The following RIMS2 variants were observed in gnomAD, a reference collection of about 807,000 sequenced individuals.
RIMS2 encodes the protein regulating synaptic membrane exocytosis protein 2.
A neutral mutation model predicts 174.4 loss-of-function variants in RIMS2; 59 were observed. The observed-to-expected ratio is 0.34, with a 90% CI of 0.27 to 0.42. The LOEUF (loss-of-function observed/expected upper bound fraction) is 0.42. Among genes scored for constraint, RIMS2 ranks in the 10% least tolerant of loss-of-function variants. The pLI is 1.00. For missense variants in RIMS2, 1,620 were observed against 1,666.3 expected (o/e 0.97, Z 0.48); for synonymous variants, 606 against 572.5 (o/e 1.06, Z -0.84).
intron 1 of RIMS2, among the ~76,000 whole-genome samples, chr8:103,505,394 G>A (rs1822986557): frequency 6.6e-6 from 1 of 152,154 alleles, no homozygotes; most frequent in Non-Finnish European, 1.5e-5. Context: ...TTCCACATCT[G>A]TGACTGTATA....
At chr8:103,885,817 T>A in exon 4 of RIMS2, 1 of 1,612,788 alleles carries the variant, frequency 6.2e-7, no homozygotes, top group Admixed American at 1.7e-5. Flanking sequence ...CCATGGAAAA[T>A]CAGCGATCTT....
intron 11 of RIMS2, among the ~76,000 whole-genome samples, chr8:103,929,656 A>G (rs1039451900): frequency 4.6e-5 from 7 of 151,916 alleles, no homozygotes; most frequent in African/African-American, 1.7e-4. Context: ...TTTGTCACAC[A>G]TTTAGAACCA....
chr8:104,151,630 T>C (rs548319290), intron 19 of RIMS2, among the ~76,000 whole-genome samples: 1 of 152,094 alleles, frequency 6.6e-6, no homozygotes, highest in South Asian at 2.1e-4. Context: ...GGGATGAGTC[T>C]TTGATTTATG....
chr8:103,657,865 A>G (rs1371100307), intron 1 of RIMS2, among the ~76,000 whole-genome samples: 1 of 152,180 alleles, frequency 6.6e-6, no homozygotes, highest in Non-Finnish European at 1.5e-5. Context: ...ACAAAGTTCA[A>G]TAGAGGTGTG....
intron 3 of RIMS2, among the ~76,000 whole-genome samples, chr8:103,841,721 T>A (rs1012827525): frequency 2.4e-4 from 36 of 152,250 alleles, no homozygotes; most frequent in Non-Finnish European, 4.3e-4. Context: ...TCTGTAGACA[T>A]TTGAGGATTG....
intron 3 of RIMS2, among the ~76,000 whole-genome samples, chr8:103,783,847 A>T (rs1352825582): frequency 6.6e-6 from 1 of 151,756 alleles, no homozygotes; most frequent in Non-Finnish European, 1.5e-5. Flanking sequence ...CGCCACACTG[A>T]CTTCCACAAT....
chr8:104,043,031 C>A (rs1037785833), intron 19 of RIMS2, among the ~76,000 whole-genome samples: 4 of 151,484 alleles, frequency 2.6e-5, no homozygotes, highest in Admixed American at 2.6e-4. Context: ...TTAAAAAAAT[C>A]TGTGATAGAA....
intron 1 of RIMS2, among the ~76,000 whole-genome samples, chr8:103,596,187 T>C (rs1193653944): frequency 1.3e-5 from 2 of 152,080 alleles, no homozygotes; most frequent in African/African-American, 4.8e-5. Context: ...TTCAAGATAT[T>C]ATCAGTGCTA....
At chr8:104,166,055 A>ATTTTT (rs2098794775) in intron 19 of RIMS2, among the ~76,000 whole-genome samples, 1 of 119,236 alleles carries the variant, frequency 8.4e-6, no homozygotes, top group African/African-American at 3.1e-5. Context: ...GGTATTTTGG[A>ATTTTT]TTTCTTTTTT....
intron 3 of RIMS2, among the ~76,000 whole-genome samples, chr8:103,865,284 C>CTTTTTTTT (rs67300843): frequency 6.7e-5 from 8 of 119,738 alleles, no homozygotes; most frequent in Non-Finnish European, 8.4e-5. Flanking sequence ...CAGTTTTTTT[C>CTTTTTTTT]TTTTTTTTTT....
intron 3 of RIMS2, among the ~76,000 whole-genome samples, chr8:103,803,471 T>C (rs952107442): frequency 1.3e-5 from 2 of 152,120 alleles, no homozygotes; most frequent in African/African-American, 4.8e-5. Context: ...TAGAAATAAC[T>C]GATAAAAAAA....
chr8:104,213,112 G>A (rs1018408995), intron 19 of RIMS2, among the ~76,000 whole-genome samples: 1 of 152,122 alleles, frequency 6.6e-6, no homozygotes, highest in Non-Finnish European at 1.5e-5. Flanking sequence ...AGGAGTTTGA[G>A]ACCAGCCTGG....
intron 1 of RIMS2, among the ~76,000 whole-genome samples, chr8:103,618,074 C>A (rs549640436): frequency 6.6e-6 from 1 of 152,128 alleles, no homozygotes; most frequent in Non-Finnish European, 1.5e-5. Flanking sequence ...TGGCAAAGAC[C>A]ATGGAATCAA....
intron 2 of RIMS2, among the ~76,000 whole-genome samples, chr8:103,710,442 T>C (rs529159019): frequency 1.6e-4 from 25 of 152,254 alleles, no homozygotes; most frequent in African/African-American, 6.0e-4. Flanking sequence ...AAATATCGGT[T>C]CTCTTTGTTT....
At chr8:103,731,430 GTCT>G (rs879687781) in intron 2 of RIMS2, among the ~76,000 whole-genome samples, 3 of 152,206 alleles carry the variant, frequency 2.0e-5, no homozygotes, top group Non-Finnish European at 4.4e-5. Flanking sequence ...TTTTGAGGTA[GTCT>G]TCTTGGAGTT....
intron 2 of RIMS2, among the ~76,000 whole-genome samples, chr8:103,752,402 T>C (rs1182990284): frequency 6.6e-6 from 1 of 152,170 alleles, no homozygotes; most frequent in Non-Finnish European, 1.5e-5. Flanking sequence ...CCAGCTTTGT[T>C]CTTTTGGCTT....
At chr8:103,510,341 A>G (rs904087284) in intron 1 of RIMS2, among the ~76,000 whole-genome samples, 6 of 152,174 alleles carry the variant, frequency 3.9e-5, no homozygotes, top group Admixed American at 2.6e-4. Context: ...TCCCAGGCAC[A>G]TAGATGAAAA....
intron 2 of RIMS2, among the ~76,000 whole-genome samples, chr8:103,714,752 T>G (rs1335491904): frequency 6.6e-6 from 1 of 151,986 alleles, no homozygotes; most frequent in Admixed American, 6.6e-5. Flanking sequence ...AATGAGAAGG[T>G]AGATTTGGGA....
intron 1 of RIMS2, among the ~76,000 whole-genome samples, chr8:103,663,981 A>G (rs1327030206): frequency 6.6e-6 from 1 of 152,210 alleles, no homozygotes; most frequent in Non-Finnish European, 1.5e-5. Flanking sequence ...ATAACACCAT[A>G]CATCTACAAC....
Sources: gnomAD v4.1 joint callset for allele counts (sites outside exome capture counted in the v4.1 genomes callset) on GRCh38, gnomAD v4.1.1 for gene constraint, MANE v1.5 for transcripts, NCBI Gene and HGNC (gene_info 2026-07-23, HGNC 2026-07-21) for gene names.